Variants in CHSY3 observed in about 807,000 individuals in gnomAD.
CHSY3 encodes the protein chondroitin sulfate synthase 3, also known as N-acetylgalactosaminyl-proteoglycan 3-beta-glucuronosyltransferase 3.
CHSY3 carries 35 observed loss-of-function variants against 67.2 expected under a neutral mutation model. The observed-to-expected ratio is 0.52, with a 90% CI of 0.40 to 0.69. The LOEUF (loss-of-function observed/expected upper bound fraction) is 0.69. Among genes scored for constraint, CHSY3 ranks in the 30% least tolerant of loss-of-function variants. The probability of loss-of-function intolerance (pLI) is 0.00; values close to 1 mark genes in which losing one functional copy is unlikely to be tolerated. For synonymous variants in CHSY3, 474 were observed against 434.7 expected (o/e 1.09, Z -1.12); for missense variants, 1,069 against 1,138.5 (o/e 0.94, Z 0.88).
chr5:130,088,646 G>A (rs1322384450), intron 2 of CHSY3, among the ~76,000 whole-genome samples: 1 of 152,096 alleles, frequency 6.6e-6, no homozygotes, highest in Non-Finnish European at 1.5e-5. Flanking sequence ...GGCCATCAAA[G>A]AAATGCAAAT....
chr5:129,945,058 T>C (rs898820185), intron 2 of CHSY3, among the ~76,000 whole-genome samples: 1 of 152,244 alleles, frequency 6.6e-6, no homozygotes, highest in Non-Finnish European at 1.5e-5. Context: ...TGAATTTATC[T>C]ATGCAAATTA....
chr5:130,183,861 A>T (rs887333167), intron 2 of CHSY3, among the ~76,000 whole-genome samples: 29 of 152,000 alleles, frequency 1.9e-4, no homozygotes, highest in African/African-American at 7.0e-4. Context: ...GTTAATAACT[A>T]TATTATATAC....
chr5:130,161,227 C>CTTGT (rs1769534318), intron 2 of CHSY3, among the ~76,000 whole-genome samples: 1 of 152,070 alleles, frequency 6.6e-6, no homozygotes, highest in South Asian at 2.1e-4. Context: ...TTTAATAGCA[C>CTTGT]TTGTTGAATG....
intron 2 of CHSY3, among the ~76,000 whole-genome samples, chr5:130,126,784 T>A (rs1256844576): frequency 6.6e-6 from 1 of 152,174 alleles, no homozygotes; most frequent in Non-Finnish European, 1.5e-5. Context: ...ACTTTAAGAA[T>A]AAAAGAGGCG....
In CHSY3 at chr5:130,184,954, A is replaced by G. The variant is rs771617493; in HGVS notation, c.1812A>G (p.Leu604=). Residue 604 remains leucine, a synonymous_variant, in exon 3 of 3, where the codon TTA becomes TTG. Coordinates refer to ENST00000305031, the MANE Select transcript of CHSY3 (RefSeq NM_175856.5). ...TTATATCTAATTCTTTAAAGATATTATCTTCTTTTCAAGGTGCCAAAGAAA... is the reference window on the plus strand; with the variant it reads ...TTATATCTAATTCTTTAAAGATATTGTCTTCTTTTCAAGGTGCCAAAGAAA... The part of the protein sequence containing the change: ...FSFISNSLKI[L]SSFQGAKEMG... 1.9e-6 allele frequency: 3 copies of G among 1,565,696 alleles called. No homozygotes were observed. The highest frequency in any genetic ancestry group is 4.5e-5 in the East Asian group (2 of 44,562).
At chr5:130,050,076 G>A (rs76488686) in intron 2 of CHSY3, among the ~76,000 whole-genome samples, 3,041 of 152,120 alleles carry the variant, frequency 0.02, 114 homozygotes, top group African/African-American at 0.069. Flanking sequence ...TGAACACTAA[G>A]AATCAAAGTA....
intron 2 of CHSY3, among the ~76,000 whole-genome samples, chr5:129,966,474 A>G (rs1197969418): frequency 6.6e-6 from 1 of 151,860 alleles, no homozygotes; most frequent in East Asian, 1.9e-4. Flanking sequence ...GATCCATGTC[A>G]TAAGGCTGTT....
intron 2 of CHSY3, among the ~76,000 whole-genome samples, chr5:130,012,050 T>C (rs1461415872): frequency 6.6e-6 from 1 of 152,196 alleles, no homozygotes; most frequent in Non-Finnish European, 1.5e-5. Context: ...GTTTCAATGC[T>C]CTTTGTACCA....
chr5:130,115,443 T>C (rs541133277), intron 2 of CHSY3, among the ~76,000 whole-genome samples: 2 of 152,324 alleles, frequency 1.3e-5, no homozygotes, highest in African/African-American at 2.4e-5. Flanking sequence ...TTTTTACTTA[T>C]GTTTTATGTC....
chr5:130,127,446 T>A (rs750076462), intron 2 of CHSY3, among the ~76,000 whole-genome samples: 1 of 150,120 alleles, frequency 6.7e-6, no homozygotes, highest in Non-Finnish European at 1.5e-5. Context: ...CTGGGTTGCA[T>A]CCTGGGTCTG....
intron 2 of CHSY3, among the ~76,000 whole-genome samples, chr5:130,125,349 T>C (rs554044970): frequency 6.6e-6 from 1 of 152,150 alleles, no homozygotes; most frequent in East Asian, 1.9e-4. Context: ...TTCAAGAAAT[T>C]GAGGCTGCAG....
At chr5:130,090,382 A>G (rs1766836362) in intron 2 of CHSY3, among the ~76,000 whole-genome samples, 1 of 152,144 alleles carries the variant, frequency 6.6e-6, no homozygotes, top group Non-Finnish European at 1.5e-5. Context: ...GCTCCCTACA[A>G]CTTAAGTCTC....
At chr5:129,965,104 C>T (rs185102036) in intron 2 of CHSY3, among the ~76,000 whole-genome samples, 7 of 152,022 alleles carry the variant, frequency 4.6e-5, no homozygotes, top group South Asian at 2.1e-4. Flanking sequence ...TTTGGATTCA[C>T]GAGTTTTCCT....
intron 2 of CHSY3, among the ~76,000 whole-genome samples, chr5:129,947,901 G>A (rs1362332177): frequency 6.6e-6 from 1 of 152,034 alleles, no homozygotes; most frequent in Non-Finnish European, 1.5e-5. Flanking sequence ...TTGGCTATTT[G>A]TATGTCTTCT....
At chr5:130,149,101 T>C (rs1769158357) in intron 2 of CHSY3, among the ~76,000 whole-genome samples, 1 of 152,208 alleles carries the variant, frequency 6.6e-6, no homozygotes, top group Admixed American at 6.5e-5. Flanking sequence ...CCAGTTTCAA[T>C]CTTCTTCATA....
intron 2 of CHSY3, among the ~76,000 whole-genome samples, chr5:130,094,958 A>T (rs1766997599): frequency 6.6e-6 from 1 of 152,156 alleles, no homozygotes. Flanking sequence ...GGGAGCTAGG[A>T]GTCCCACTGT....
At position 130,143,794 on chromosome 5, in the gene CHSY3, ATATATATATATGTGTG is replaced by A. The variant is rs1158405484; in HGVS notation, c.1087-40423_1087-40408del. On this transcript the variant is annotated intron_variant, in intron 2 of 2. Transcript: ENST00000305031. The stretch of plus-strand genomic sequence containing the variant: ...TATATATATATATGTGTATATATAT[ATATATATATATGTGTG>A]TATATATATATATATATATATATAT... Among the ~76,000 whole-genome samples, 56 of 90,846 alleles carry A rather than the reference ATATATATATATGTGTG, an allele frequency of 6.2e-4. 2 individuals are homozygous for A. Among genetic ancestry groups the A allele is most frequent in the South Asian group, 4.0e-3 (9 of 2,256 alleles). The allele number at this position is 90,846 out of a possible 152,430, so 59.6% of individuals were successfully genotyped here. A position where few individuals can be genotyped will look rare whatever the true frequency, so the allele number is the denominator to read the frequency against.
chr5:130,087,433 G>C (rs1463146105), intron 2 of CHSY3, among the ~76,000 whole-genome samples: 1 of 152,088 alleles, frequency 6.6e-6, no homozygotes, highest in African/African-American at 2.4e-5. Context: ...AATTGTCCCT[G>C]TTTGCAGATG....
chr5:130,088,844 C>G (rs1409695823), intron 2 of CHSY3, among the ~76,000 whole-genome samples: 1 of 152,102 alleles, frequency 6.6e-6, no homozygotes, highest in Non-Finnish European at 1.5e-5. Context: ...ACTAGAAATA[C>G]CATTTGACCC....
Sources: allele counts gnomAD v4.1 joint callset (sites outside exome capture counted in the v4.1 genomes callset), GRCh38; gene constraint gnomAD v4.1.1; transcripts MANE v1.5; gene names NCBI Gene and HGNC (gene_info 2026-07-23, HGNC 2026-07-21).